WDR64: variants seen among roughly 807,000 people sequenced by gnomAD.
WDR64 encodes WD repeat-containing protein 64.
A neutral mutation model predicts 139.3 loss-of-function variants in WDR64; 112 were observed. The ratio of observed to expected loss-of-function variants is 0.80; its 90% CI spans 0.69 to 0.94. WDR64 has a LOEUF of 0.94. WDR64 is among the 40% of genes least tolerant of loss of function. WDR64 has a pLI of 0.00. For missense variants in WDR64, 1,206 were observed against 1,293.1 expected, an observed-to-expected ratio of 0.93 and a Z score of 1.03; for synonymous variants, 444 against 437.7, an observed-to-expected ratio of 1.01 and a Z score of -0.18.
intron 10 of WDR64, among the ~76,000 whole-genome samples, chr1:241,725,947 T>C (rs1170190810): frequency 6.6e-6 from 1 of 152,110 alleles, no homozygotes; most frequent in Non-Finnish European, 1.5e-5. Context: ...CCTACTGGGC[T>C]CGAGGGATCC....
At chr1:241,722,747 A>G (rs1465523980) in intron 9 of WDR64, among the ~76,000 whole-genome samples, 1 of 152,182 alleles carries the variant, frequency 6.6e-6, no homozygotes, top group Non-Finnish European at 1.5e-5. Flanking sequence ...ATGCCCTTCT[A>G]TGATTTTTAG....
intron 4 of WDR64, among the ~76,000 whole-genome samples, chr1:241,675,851 G>A (rs887789068): frequency 7.2e-5 from 11 of 152,118 alleles, no homozygotes; most frequent in African/African-American, 2.7e-4. Context: ...GTAAGGCTTT[G>A]CTGTTATCAA....
chr1:241,724,034 T>A (rs543661456), intron 10 of WDR64, among the ~76,000 whole-genome samples: 23 of 151,898 alleles, frequency 1.5e-4, no homozygotes, highest in African/African-American at 4.6e-4. Flanking sequence ...GGAAAAAAGG[T>A]CAAAGAGATA....
chr1:241,693,266 G>A (rs1168070207), intron 8 of WDR64, among the ~76,000 whole-genome samples: 1 of 152,134 alleles, frequency 6.6e-6, no homozygotes, highest in Non-Finnish European at 1.5e-5. Context: ...AAAAAGACAT[G>A]GAGGACCCTT....
chr1:241,761,572 G>T (rs994380253), intron 15 of WDR64, among the ~76,000 whole-genome samples: 1 of 150,808 alleles, frequency 6.6e-6, no homozygotes, highest in African/African-American at 2.4e-5. Context: ...ATATATATAT[G>T]TATATATAGA....
intron 9 of WDR64, among the ~76,000 whole-genome samples, chr1:241,712,733 C>G (rs553597108): frequency 2.6e-5 from 4 of 152,260 alleles, no homozygotes; most frequent in African/African-American, 4.8e-5. Flanking sequence ...AATCTCAGCA[C>G]TTTGGGAGGC....
At chr1:241,770,406 C>T (rs1183499030) in intron 17 of WDR64, 9 of 425,038 alleles carry the variant, frequency 2.1e-5, no homozygotes, top group Non-Finnish European at 3.8e-5. Flanking sequence ...GAGCAATAAA[C>T]CTTATTTGCT....
chr1:241,689,130 A>G (rs1385223521), intron 8 of WDR64, among the ~76,000 whole-genome samples: 15 of 152,172 alleles, frequency 9.9e-5, no homozygotes, highest in Admixed American at 9.8e-4. Context: ...ATCCAGACAC[A>G]CAGGCTCATC....
intron 27 of WDR64, among the ~76,000 whole-genome samples, chr1:241,800,806 A>G (rs1217869347): frequency 6.6e-6 from 1 of 152,078 alleles, no homozygotes; most frequent in African/African-American, 2.4e-5. Flanking sequence ...CACATATACA[A>G]TATTAATTAT....
chr1:241,657,707 G>T (rs1235976283), intron 1 of WDR64, among the ~76,000 whole-genome samples: 1 of 152,086 alleles, frequency 6.6e-6, no homozygotes, highest in East Asian at 1.9e-4. Flanking sequence ...TTTTATCACA[G>T]CTCCCTACTG....
chr1:241,776,435 C>T (rs1401650584), intron 21 of WDR64, among the ~76,000 whole-genome samples: 1 of 151,996 alleles, frequency 6.6e-6, no homozygotes, highest in Non-Finnish European at 1.5e-5. Flanking sequence ...TCAATTGAGT[C>T]GTCTGGACCT....
chr1:241,741,476 C>A (rs1669535975), intron 11 of WDR64, 40 bp from the exon 12 acceptor site: 1 of 1,555,244 alleles, frequency 6.4e-7, no homozygotes, highest in Non-Finnish European at 8.6e-7. Flanking sequence ...TTAGAAACTT[C>A]TAATATTGCA....
At chr1:241,753,092 C>T (rs768574791) in intron 14 of WDR64, among the ~76,000 whole-genome samples, 4 of 152,204 alleles carry the variant, frequency 2.6e-5, no homozygotes, top group Middle Eastern at 3.4e-3. Flanking sequence ...GGCCTTAGGG[C>T]AACACCTAAA....
intron 9 of WDR64, 36 bp downstream of exon 9, chr1:241,711,917 A>C: frequency 1.9e-6 from 3 of 1,598,496 alleles, no homozygotes; most frequent in Non-Finnish European, 2.6e-6. Flanking sequence ...GGGGTTTTCT[A>C]CTTTGCAAAC....
chr1:241,712,989 G>C (rs1292668935), intron 9 of WDR64, among the ~76,000 whole-genome samples: 2 of 151,444 alleles, frequency 1.3e-5, no homozygotes, highest in African/African-American at 4.9e-5. Flanking sequence ...ATACAAATTT[G>C]TTATTAATAA....
At position 241,688,563 on chromosome 1, in the gene WDR64, T is replaced by G. The variant is rs114450021; in HGVS notation, c.974+968T>G. On this transcript the variant is annotated intron_variant, in intron 8 of 27. Transcript: ENST00000437684. ...GAAGTTGCCATTCCATCCTAACAAG[T>G]AAAAATGTAACAAACTAAAAAATAA... Among the ~76,000 whole-genome samples the G allele has an allele frequency of 2.9e-3, 442 of 152,130 alleles. 1 individual carries two copies. Among genetic ancestry groups the G allele is most frequent in the African/African-American group, 0.01 (428 of 41,510 alleles).
intron 14 of WDR64, 21 bp downstream of exon 14, chr1:241,749,743 C>G: frequency 6.3e-7 from 1 of 1,591,496 alleles, no homozygotes. Flanking sequence ...CCACTTCATA[C>G]TCGTACTGCA....
intron 5 of WDR64, among the ~76,000 whole-genome samples, chr1:241,678,964 G>C (rs2148097523): frequency 6.6e-6 from 1 of 150,962 alleles, no homozygotes; most frequent in East Asian, 2.0e-4. Context: ...GTCATAAATG[G>C]AAGCTTCTGT....
intron 22 of WDR64, 73 bp from the exon 23 acceptor site, chr1:241,783,199 T>C: frequency 7.6e-7 from 1 of 1,310,020 alleles, no homozygotes; most frequent in Non-Finnish European, 1.1e-6. Flanking sequence ...CAATGAGAAA[T>C]GATTTTGTTG....
Sources: allele counts gnomAD v4.1 joint callset (sites outside exome capture counted in the v4.1 genomes callset), GRCh38; gene constraint gnomAD v4.1.1; transcripts MANE v1.5; gene names NCBI Gene and HGNC (gene_info 2026-07-23, HGNC 2026-07-21).